PSEN1: variants seen among roughly 807,000 people sequenced by gnomAD.
PSEN1 encodes the protein presenilin 1, also known as presenilin-1.
PSEN1 carries 15 observed loss-of-function variants against 53.5 expected under a neutral mutation model. The ratio of observed to expected loss-of-function variants is 0.28; its 90% CI spans 0.19 to 0.43. The LOEUF (loss-of-function observed/expected upper bound fraction) is 0.43. PSEN1 is among the 20% of genes least tolerant of loss of function. The pLI, the probability that PSEN1 is intolerant of heterozygous loss-of-function variation, is 1.00. For synonymous variants in PSEN1, 208 were observed against 209.8 expected, an observed-to-expected ratio of 0.99 and a Z score of 0.08; for missense variants, 387 against 571.2, an observed-to-expected ratio of 0.68 and a Z score of 3.29.
intron 1 of PSEN1, among the ~76,000 whole-genome samples, chr14:73,142,981 C>G (rs1896968280): frequency 6.6e-6 from 1 of 152,118 alleles, no homozygotes; most frequent in Non-Finnish European, 1.5e-5. Context: ...CTCCTCAATT[C>G]GGGTCCCATG....
intron 5 of PSEN1, among the ~76,000 whole-genome samples, chr14:73,185,810 A>G (rs1266335160): frequency 6.6e-6 from 1 of 152,058 alleles, no homozygotes; most frequent in Non-Finnish European, 1.5e-5. Context: ...TGGCCTCCCA[A>G]AGTGCTGGGA....
At chr14:73,179,326 G>A (rs910948771) in intron 5 of PSEN1, among the ~76,000 whole-genome samples, 4 of 152,126 alleles carry the variant, frequency 2.6e-5, no homozygotes, top group East Asian at 1.9e-4. Context: ...GGAGAAAAGC[G>A]GAAAAGAATG....
At chr14:73,211,731 C>T (rs1200620728) in intron 9 of PSEN1, 38 bp from the exon 10 acceptor site, 1 of 1,610,462 alleles carries the variant, frequency 6.2e-7, no homozygotes, top group African/African-American at 1.3e-5. Context: ...TTAAATTTTT[C>T]TAAATATTAG....
chr14:73,197,851 T>C (rs1349016670), intron 7 of PSEN1, 180 bp from the exon 8 acceptor site: 5 of 598,408 alleles, frequency 8.4e-6, no homozygotes, highest in Non-Finnish European at 1.5e-5. Context: ...TTTGTTTATG[T>C]TGTCTCCCCC....
chr14:73,206,658 A>G (rs544254690), intron 9 of PSEN1, among the ~76,000 whole-genome samples, 186 bp downstream of exon 9: 4 of 152,322 alleles, frequency 2.6e-5, no homozygotes, highest in African/African-American at 9.6e-5. Context: ...AAACCCAACA[A>G]TACAGTCAAA....
intron 8 of PSEN1, among the ~76,000 whole-genome samples, chr14:73,202,419 TATATATA>T (rs1899232352): frequency 0.046 from 953 of 20,568 alleles, 18 homozygotes; most frequent in Non-Finnish European, 0.074. Flanking sequence ...TATCACATAC[TATATATA>T]TATATATATA....
chr14:73,190,910 A>C lies in PSEN1; in HGVS notation c.549-1734A>C, dbSNP rs200622272. 1.1e-4 allele frequency among the ~76,000 whole-genome samples: 16 copies of C among 152,356 alleles called. 1 individual carries two copies. The East Asian group carries it at 2.9e-3, about 27-fold the overall frequency. On this transcript the variant is annotated intron_variant, in intron 6 of 11. Coordinates refer to ENST00000324501, the MANE Select transcript of PSEN1 (RefSeq NM_000021.4). ...CTGGAAATGCTTAATATAAATATCT[A>C]CATCGTCCAGAAATTTCAATGTTTA...
chr14:73,203,844 G>A (rs1459196840), intron 8 of PSEN1, among the ~76,000 whole-genome samples: 7 of 151,970 alleles, frequency 4.6e-5, no homozygotes, highest in Admixed American at 1.3e-4. Context: ...AGTTGGGGGC[G>A]GGTATATTAT....
In PSEN1 at chr14:73,201,268, A is replaced by G. The variant is rs141253181; in HGVS notation, c.868+3139A>G. Among the ~76,000 whole-genome samples, 74 of 152,148 alleles carry G rather than the reference A, an allele frequency of 4.9e-4. No homozygotes were observed. The East Asian group carries it at 0.013, about 28-fold the overall frequency. On this transcript the variant is annotated intron_variant, in intron 8 of 11. Coordinates refer to ENST00000324501, the MANE Select transcript of PSEN1 (RefSeq NM_000021.4). ...ACGCCCGGCTAATTTTTGTATTTTTAGTAGCAACGGGGTTTCACCATGTTA... is the reference window on the plus strand; with the variant it reads ...ACGCCCGGCTAATTTTTGTATTTTTGGTAGCAACGGGGTTTCACCATGTTA...
intron 3 of PSEN1, among the ~76,000 whole-genome samples, chr14:73,151,878 T>TTATATATATATATATATATATATATA (rs768963474): frequency 2.5e-4 from 14 of 56,930 alleles, no homozygotes; most frequent in African/African-American, 1.3e-3. Context: ...CTAAAATATT[T>TTATATATATATATATATATATATATA]TATATATATA....
chr14:73,148,752 G>A lies in PSEN1; in HGVS notation c.87+646G>A, dbSNP rs530430417. Among the ~76,000 whole-genome samples, 235 of 152,190 alleles carry A rather than the reference G, an allele frequency of 1.5e-3. 1 individual carries two copies. The South Asian group carries it at 0.017, about 11-fold the overall frequency. On this transcript the variant is annotated intron_variant, in intron 3 of 11. Transcript: ENST00000324501. ...GTTCAATACCAGCTTGGCCAACATG[G>A]AGAAACCCCATCTCTACTAACAATA...
chr14:73,201,010 C>T (rs2140111544), intron 8 of PSEN1, among the ~76,000 whole-genome samples: 1 of 152,272 alleles, frequency 6.6e-6, no homozygotes, highest in South Asian at 2.1e-4. Flanking sequence ...ATGATCGTGC[C>T]ACTGCACTCC....
Position 73,143,803 on chromosome 14 carries a change from A to C in PSEN1, c.-135-3992A>C, listed in dbSNP as rs182542137. Among the ~76,000 whole-genome samples, 1,121 of 152,018 alleles carry C rather than the reference A, an allele frequency of 7.4e-3. 3 individuals carry two copies. The highest frequency in any genetic ancestry group is 0.012 in the Non-Finnish European group (795 of 67,968). ...TGAAGTGGTAGGGTTGCTTGAGGCC[A>C]GGCAAGACCAGCCTGGGCGATACAG... On this transcript the variant is annotated intron_variant, in intron 1 of 11. Transcript: ENST00000324501.
intron 5 of PSEN1, chr14:73,174,208 C>T (rs770584574): frequency 1.1e-4 from 20 of 178,026 alleles, no homozygotes; most frequent in Admixed American, 2.3e-4. Flanking sequence ...CATATAATAG[C>T]ACAATCTAAG....
At chr14:73,208,012 A>G (rs1418307872) in intron 9 of PSEN1, among the ~76,000 whole-genome samples, 2 of 152,226 alleles carry the variant, frequency 1.3e-5, no homozygotes, top group Admixed American at 1.3e-4. Context: ...GAATTGCCAC[A>G]AGCCTGGCTC....
chr14:73,202,200 A>C (rs1292282139), intron 8 of PSEN1, among the ~76,000 whole-genome samples: 2 of 122,352 alleles, frequency 1.6e-5, no homozygotes, highest in Admixed American at 9.3e-5. Flanking sequence ...ATGCGCCACT[A>C]TACCTGGCTA....
At chr14:73,217,928 C>T (rs532225222) in intron 11 of PSEN1, among the ~76,000 whole-genome samples, 1 of 150,874 alleles carries the variant, frequency 6.6e-6, no homozygotes, top group African/African-American at 2.4e-5. Context: ...GCTGGGATTA[C>T]AGGTGCCTGC....
chr14:73,187,594 A>G (rs982795686), intron 6 of PSEN1, among the ~76,000 whole-genome samples: 5 of 152,236 alleles, frequency 3.3e-5, no homozygotes, highest in Admixed American at 2.6e-4. Context: ...AAAATTATCA[A>G]AACTGACCCC....
intron 3 of PSEN1, among the ~76,000 whole-genome samples, chr14:73,156,851 A>T (rs1346095115): frequency 1.3e-5 from 2 of 151,748 alleles, no homozygotes; most frequent in African/African-American, 2.4e-5. Flanking sequence ...TTTAGTAGAG[A>T]TGGGGTTTCA....
Sources: allele counts gnomAD v4.1 joint callset (sites outside exome capture counted in the v4.1 genomes callset), GRCh38; gene constraint gnomAD v4.1.1; transcripts MANE v1.5; gene names NCBI Gene and HGNC (gene_info 2026-07-23, HGNC 2026-07-21).